Variants in SHQ1 observed in about 807,000 individuals in gnomAD.
SHQ1 encodes the protein SHQ1, H/ACA ribonucleoprotein assembly factor.
Under a neutral mutation model 53.8 loss-of-function variants are expected in SHQ1, and 49 were observed. That is an observed-to-expected ratio of 0.91 (90% CI 0.72 to 1.16). The LOEUF (loss-of-function observed/expected upper bound fraction) is 1.16, where lower values mean the gene tolerates loss of function less well. Ranked by LOEUF, SHQ1 falls within the 50% of genes most tolerant of loss-of-function variation. The pLI, the probability that SHQ1 is intolerant of heterozygous loss-of-function variation, is 0.00. For synonymous variants in SHQ1, 243 were observed against 251.0 expected, an observed-to-expected ratio of 0.97 and a Z score of 0.30; for missense variants, 738 against 683.1, an observed-to-expected ratio of 1.08 and a Z score of -0.90.
At chr3:72,762,964 C>A (rs1300195446) in intron 10 of SHQ1, among the ~76,000 whole-genome samples, 1 of 151,308 alleles carries the variant, frequency 6.6e-6, no homozygotes, top group East Asian at 1.9e-4. Context: ...CCAAGCCCGG[C>A]CTGTTTCTAC....
chr3:72,751,498 GTGTGTGTGTGTA>G lies in SHQ1; in HGVS notation c.1182-674_1182-663del, dbSNP rs1436942191. ...CATATGTGTGTGTGTGTGTGTGTGT[GTGTGTGTGTGTA>G]TATATATATATATATATATACATAT... On this transcript the variant is annotated intron_variant, in intron 10 of 10. Coordinates refer to ENST00000325599, the MANE Select transcript of SHQ1 (RefSeq NM_018130.3). 5.0e-5 allele frequency among the ~76,000 whole-genome samples: 6 copies of G among 119,886 alleles called. No homozygotes were observed. In the East Asian group the frequency reaches 6.1e-4, roughly 12 times the overall value. The allele number at this position is 119,886 out of a possible 152,430, so 78.6% of individuals were successfully genotyped here.
At chr3:72,817,189 C>T in intron 7 of SHQ1, 41 bp downstream of exon 7, 1 of 1,588,254 alleles carries the variant, frequency 6.3e-7, no homozygotes, top group Non-Finnish European at 8.6e-7. Flanking sequence ...GTTTACTCAG[C>T]ACAGTCATCT....
At chr3:72,768,899 A>C (rs1177987908) in intron 10 of SHQ1, among the ~76,000 whole-genome samples, 1 of 152,212 alleles carries the variant, frequency 6.6e-6, no homozygotes, top group African/African-American at 2.4e-5. Context: ...TTGCACTATA[A>C]TACGGTCACT....
At chr3:72,751,492 G>GTACATATATATA (rs1705368313) in intron 10 of SHQ1, among the ~76,000 whole-genome samples, 1 of 98,884 alleles carries the variant, frequency 1.0e-5, no homozygotes, top group African/African-American at 5.5e-5. Flanking sequence ...GTGTGTGTGT[G>GTACATATATATA]TGTGTGTGTG....
chr3:72,787,720 C>T (rs1052767552), intron 10 of SHQ1, among the ~76,000 whole-genome samples: 5 of 152,016 alleles, frequency 3.3e-5, no homozygotes, highest in African/African-American at 1.2e-4. Context: ...TCCCCCTCCC[C>T]CTCCCTCTCC....
intron 10 of SHQ1, among the ~76,000 whole-genome samples, chr3:72,788,254 G>T (rs1296748417): frequency 6.7e-6 from 1 of 148,978 alleles, no homozygotes; most frequent in African/African-American, 2.5e-5. Context: ...GCCGCCCATC[G>T]TCTGGGATGT....
At chr3:72,833,076 T>C (rs769252992) in intron 4 of SHQ1, among the ~76,000 whole-genome samples, 1 of 152,160 alleles carries the variant, frequency 6.6e-6, no homozygotes, top group African/African-American at 2.4e-5. Context: ...CAAAGAGTAT[T>C]TCCTTTGAGT....
chr3:72,725,873 A>G, the SHQ1 span, among the ~76,000 whole-genome samples: 2 of 152,194 alleles, frequency 1.3e-5, no homozygotes, highest in Non-Finnish European at 2.9e-5. Context: ...GGGCAGAAGA[A>G]AAAAATAAGA....
chr3:72,812,951 T>C (rs954214455), intron 8 of SHQ1, among the ~76,000 whole-genome samples, 157 bp from the exon 9 acceptor site: 1 of 152,354 alleles, frequency 6.6e-6, no homozygotes, highest in African/African-American at 2.4e-5. Flanking sequence ...AATAAGATTC[T>C]TTTTGTATAC....
At chr3:72,753,891 T>C (rs1019464250) in intron 10 of SHQ1, among the ~76,000 whole-genome samples, 5 of 152,248 alleles carry the variant, frequency 3.3e-5, no homozygotes, top group Non-Finnish European at 5.9e-5. Context: ...GGATTCAGTC[T>C]GAGCTGCTGC....
intron 1 of SHQ1, among the ~76,000 whole-genome samples, chr3:72,847,039 C>T (rs1473881559): frequency 6.6e-6 from 1 of 152,184 alleles, no homozygotes; most frequent in Non-Finnish European, 1.5e-5. Context: ...TCATAGCACT[C>T]ACCACAATTA....
chr3:72,841,090 G>A lies in SHQ1; in HGVS notation c.441C>T (p.His147=). Residue 147 remains histidine, a synonymous_variant, in exon 4 of 11, where the codon CAC becomes CAT. Coordinates refer to ENST00000325599, the MANE Select transcript of SHQ1 (RefSeq NM_018130.3). The stretch of plus-strand genomic sequence containing the variant: ...CTGATCGTAAGTTTCCAAATCCATA[G>A]TGGCACTGCGGATTCAAAGCACTTT... The part of the protein sequence containing the change: ...VSESALNPQC[H]YGFGNLRSGV... 2 of 1,613,920 alleles carry A rather than the reference G, an allele frequency of 1.2e-6. No homozygotes were observed. The highest frequency in any genetic ancestry group is 1.7e-6 in the Non-Finnish European group (2 of 1,179,940).
intron 4 of SHQ1, among the ~76,000 whole-genome samples, chr3:72,834,447 T>G (rs974173952): frequency 6.6e-6 from 1 of 152,162 alleles, no homozygotes; most frequent in African/African-American, 2.4e-5. Flanking sequence ...GGAGAATTCT[T>G]TGAACCCAGA....
rs143246801 is a variant in SHQ1 at position 72,775,631 on chromosome 3, C to T, written c.1181+17285G>A. ...CAATTTCTCTTCCCATACATACCCTCTTCCTGATTGTAGGCACCCACAGAG... is the reference window on the plus strand; with the variant it reads ...CAATTTCTCTTCCCATACATACCCTTTTCCTGATTGTAGGCACCCACAGAG... On this transcript the variant is annotated intron_variant, in intron 10 of 10. Transcript: ENST00000325599. 4.6e-3 allele frequency among the ~76,000 whole-genome samples: 695 copies of T among 152,230 alleles called. 6 individuals carry two copies. Among genetic ancestry groups the T allele is most frequent in the African/African-American group, 0.015 (634 of 41,548 alleles).
At chr3:72,796,291 A>T (rs150825967) in intron 9 of SHQ1, among the ~76,000 whole-genome samples, 21 of 152,182 alleles carry the variant, frequency 1.4e-4, no homozygotes, top group Non-Finnish European at 1.2e-4. Flanking sequence ...ACGTCTCTAA[A>T]CTTAGGTGTG....
At position 72,750,529 on chromosome 3, in the gene SHQ1, C is replaced by T. The variant is rs867810225; in HGVS notation, c.1489G>A (p.Glu497Lys). ...TVSSLQGPFL[E>K]ESSAFLIVDG... ...ACAATAAGAAAGGCACTGCTTTCTT[C>T]AAGAAAGGGACCTTGCAAAGAACTG... Residue 497 changes from glutamate to lysine, a missense_variant, in exon 11 of 11, where the codon GAA (glutamate) becomes AAA (lysine). Physicochemically the swap from Glu to Lys is moderately conservative, Grantham distance 56. Coordinates refer to ENST00000325599, the MANE Select transcript of SHQ1 (RefSeq NM_018130.3). 1 of 1,614,156 alleles carries T rather than the reference C, an allele frequency of 6.2e-7. No individual in the cohort carries two copies. Among genetic ancestry groups the T allele is most frequent in the Admixed American group, 1.7e-5 (1 of 60,030 alleles).
the SHQ1 span, among the ~76,000 whole-genome samples, chr3:72,739,986 G>A: frequency 6.6e-5 from 10 of 152,132 alleles, no homozygotes; most frequent in African/African-American, 2.4e-4. Context: ...GGTGGATCTC[G>A]AGATGAAGGT....
Position 72,801,475 on chromosome 3 carries a change from G to C in SHQ1, c.1061-8439C>G, listed in dbSNP as rs569032242. On this transcript the variant is annotated intron_variant, in intron 9 of 10. Coordinates refer to ENST00000325599, the MANE Select transcript of SHQ1 (RefSeq NM_018130.3). ...TAAAATTGCATGAGGTTGGAAAGAAGAAATAGGAGTATATAGGAAGAAAGA... is the reference window on the plus strand; with the variant it reads ...TAAAATTGCATGAGGTTGGAAAGAACAAATAGGAGTATATAGGAAGAAAGA... Among the ~76,000 whole-genome samples the C allele has an allele frequency of 1.2e-4, 19 of 152,236 alleles. 1 individual carries two copies. The South Asian group carries it at 3.9e-3, about 32-fold the overall frequency.
intron 10 of SHQ1, among the ~76,000 whole-genome samples, chr3:72,792,475 G>C (rs998385518): frequency 1.3e-5 from 2 of 152,080 alleles, no homozygotes; most frequent in African/African-American, 4.8e-5. Flanking sequence ...GTAGGTCTAT[G>C]GGTTTCCTTC....
Sources: allele counts gnomAD v4.1 joint callset (sites outside exome capture counted in the v4.1 genomes callset), GRCh38; gene constraint gnomAD v4.1.1; transcripts MANE v1.5; gene names NCBI Gene and HGNC (gene_info 2026-07-23, HGNC 2026-07-21).